ITIH5: variants seen among roughly 807,000 people sequenced by gnomAD.
The protein encoded by ITIH5 is inter-alpha-trypsin inhibitor heavy chain H5.
ITIH5 carries 65 observed loss-of-function variants against 77.5 expected under a neutral mutation model. That is an observed-to-expected ratio of 0.84 (90% confidence interval 0.69 to 1.03). ITIH5 has a LOEUF of 1.03. Ranked by LOEUF, ITIH5 falls within the 50% of genes least tolerant of loss-of-function variation. The probability of loss-of-function intolerance (pLI) is 0.00; values close to 1 mark genes in which losing one functional copy is unlikely to be tolerated. For missense variants in ITIH5, 1,208 were observed against 1,213.1 expected (o/e 1.00, Z 0.06); for synonymous variants, 525 against 494.3 (o/e 1.06, Z -0.82).
intron 3 of ITIH5, 57 bp downstream of exon 3, chr10:7,641,870 G>A: frequency 1.3e-6 from 2 of 1,518,158 alleles, no homozygotes; most frequent in Non-Finnish European, 1.8e-6. Flanking sequence ...TCACATCTCA[G>A]GCTCAACCTG....
intron 2 of ITIH5, among the ~76,000 whole-genome samples, chr10:7,644,164 G>C (rs1470737655): frequency 6.6e-6 from 1 of 151,894 alleles, no homozygotes; most frequent in African/African-American, 2.4e-5. Flanking sequence ...CTTGAAGCAG[G>C]GAGGCAAATA....
At chr10:7,613,899 C>T (rs1435655264) in intron 7 of ITIH5, among the ~76,000 whole-genome samples, 1 of 152,180 alleles carries the variant, frequency 6.6e-6, no homozygotes. Flanking sequence ...TGCCCAAACA[C>T]CTCCATCCCT....
At chr10:7,644,586 CATAT>C (rs1169055285) in intron 2 of ITIH5, among the ~76,000 whole-genome samples, 9 of 106,556 alleles carry the variant, frequency 8.4e-5, no homozygotes, top group Non-Finnish European at 1.7e-4. Flanking sequence ...ACATATATCA[CATAT>C]ATATCATACA....
At chr10:7,584,829 G>C (rs2130974156) in intron 8 of ITIH5, among the ~76,000 whole-genome samples, 1 of 152,276 alleles carries the variant, frequency 6.6e-6, no homozygotes, top group Admixed American at 6.5e-5. Context: ...CTGCCGTAGA[G>C]CATCACTATC....
Position 7,580,075 on chromosome 10 carries a change from C to G in ITIH5, c.1109-11G>C. 1 of 1,582,400 alleles carries G rather than the reference C, an allele frequency of 6.3e-7. No homozygotes were observed. The highest frequency in any genetic ancestry group is 8.6e-7 in the Non-Finnish European group (1 of 1,167,502). ...CGTTGATGTCTGTGCCTGCAGGACA[C>G]CAACACGGAACAGCTCAAGCCTCTG... On this transcript the variant is annotated splice_polypyrimidine_tract_variant and intron_variant, in intron 8 of 13. Transcript: ENST00000397146.
Position 7,586,007 on chromosome 10 carries a change from A to G in ITIH5, c.1002T>C (p.Ile334=). ...DLRPQDRFSI[I]GFSNRIKVWK... ...ATACTTTGATCCGGTTGGAAAATCC[A>G]ATGATACTGAAACGGTCCTGGGGTC... is the stretch of plus-strand genomic sequence containing the variant. Residue 334 remains isoleucine, a synonymous_variant, in exon 8 of 14, where the codon ATT becomes ATC. Coordinates refer to ENST00000397146, the MANE Select transcript of ITIH5 (RefSeq NM_030569.7). The G allele has an allele frequency of 6.2e-7, 1 of 1,614,106 alleles. No individual in the cohort carries two copies. Among genetic ancestry groups the G allele is most frequent in the Non-Finnish European group, 8.5e-7 (1 of 1,180,014 alleles).
intron 1 of ITIH5, among the ~76,000 whole-genome samples, chr10:7,663,089 A>G (rs1413849187): frequency 6.6e-6 from 1 of 152,250 alleles, no homozygotes; most frequent in East Asian, 1.9e-4. Flanking sequence ...TCACATTTAA[A>G]TAAATTCAAC....
chr10:7,613,746 T>A (rs1833305430), intron 7 of ITIH5, among the ~76,000 whole-genome samples: 1 of 152,196 alleles, frequency 6.6e-6, no homozygotes, highest in Non-Finnish European at 1.5e-5. Context: ...GTCTCAAGGA[T>A]GTTTGTCAAG....
intron 7 of ITIH5, among the ~76,000 whole-genome samples, chr10:7,608,827 T>C (rs1833184763): frequency 1.3e-5 from 2 of 152,224 alleles, no homozygotes; most frequent in African/African-American, 4.8e-5. Context: ...TAATAAAACG[T>C]TGCTCAATAA....
chr10:7,610,533 A>C (rs1830698277), intron 7 of ITIH5, among the ~76,000 whole-genome samples: 1 of 152,232 alleles, frequency 6.6e-6, no homozygotes, highest in African/African-American at 2.4e-5. Context: ...GAACATTGGG[A>C]ATAACAGTGA....
chr10:7,639,552 C>T (rs951837509), intron 4 of ITIH5, among the ~76,000 whole-genome samples: 2 of 152,036 alleles, frequency 1.3e-5, no homozygotes, highest in African/African-American at 4.8e-5. Flanking sequence ...TTTTAGAGAA[C>T]TAAATTTCTC....
intron 7 of ITIH5, among the ~76,000 whole-genome samples, chr10:7,603,264 G>A (rs1833051898): frequency 1.3e-5 from 2 of 152,206 alleles, no homozygotes; most frequent in South Asian, 2.1e-4. Context: ...GAACCTGGGA[G>A]GTATCATGCT....
rs1564278284 is a variant in ITIH5, at chr10:7,644,857, GTATCACATATA to G, written c.136-2778_136-2768del. The stretch of plus-strand genomic sequence containing the variant: ...TATATATCACATATATATCACATAT[GTATCACATATA>G]TATCACATATATATATCACATATAT... On this transcript the variant is annotated intron_variant, in intron 2 of 13. Transcript: ENST00000397146. 6.0e-4 allele frequency among the ~76,000 whole-genome samples: 43 copies of G among 71,600 alleles called. 1 individual carries two copies. The highest frequency in any genetic ancestry group is 1.5e-3 in the South Asian group (3 of 1,962). 47.0% of individuals were successfully genotyped at this position (71,600 alleles called of 152,430 possible).
At chr10:7,602,596 CA>C (rs1300695464) in intron 7 of ITIH5, among the ~76,000 whole-genome samples, 2 of 152,152 alleles carry the variant, frequency 1.3e-5, no homozygotes. Flanking sequence ...TGCCTTCTGC[CA>C]TGATAGTAAG....
At chr10:7,606,672 A>G (rs1024715854) in intron 7 of ITIH5, among the ~76,000 whole-genome samples, 9 of 152,054 alleles carry the variant, frequency 5.9e-5, no homozygotes, top group Non-Finnish European at 1.0e-4. Context: ...TGTACACCAA[A>G]CCCCCTCAAC....
chr10:7,569,397 G>C (rs893366577), intron 12 of ITIH5: 2 of 344,156 alleles, frequency 5.8e-6, no homozygotes, highest in Non-Finnish European at 1.0e-5. Flanking sequence ...TTTTATATTA[G>C]CTCTGTGAGG....
Position 7,579,876 on chromosome 10 carries a change from T to C in ITIH5, c.1297A>G (p.Ile433Val), listed in dbSNP as rs374231705. 220 of 1,614,256 alleles carry C rather than the reference T, an allele frequency of 1.4e-4. No homozygotes were observed. The highest frequency in any genetic ancestry group is 8.9e-5 in the East Asian group (4 of 44,884). ...TREAARGQVC[I>V]FTIGIGNDVD... ...TCGTTGCCGATGCCAATGGTGAAGATGCAGACTTGGCCTCGGGCGGCCTCT... is the reference window on the plus strand; with the variant it reads ...TCGTTGCCGATGCCAATGGTGAAGACGCAGACTTGGCCTCGGGCGGCCTCT... The change falls in exon 9 of 14, where the codon ATC (isoleucine) becomes GTC (valine). Residue 433 changes from isoleucine (I) to valine (V), a missense_variant. Transcript: ENST00000397146.
intron 5 of ITIH5, among the ~76,000 whole-genome samples, chr10:7,628,462 G>A (rs891812630): frequency 5.3e-5 from 8 of 152,222 alleles, no homozygotes; most frequent in African/African-American, 1.7e-4. Context: ...GTTGTGGCCT[G>A]TATCCGTGCT....
At position 7,628,409 on chromosome 10, in the gene ITIH5, C is replaced by T. The variant is rs1206336117; in HGVS notation, c.652+8819G>A. ...TTTCAGTCTGGCTTCTTTCACTTAG[C>T]ATAATGTTTTCGAGACTCCGTCACA... On this transcript the variant is annotated intron_variant, in intron 5 of 13. Coordinates refer to ENST00000397146, the MANE Select transcript of ITIH5 (RefSeq NM_030569.7). Among the ~76,000 whole-genome samples the T allele has an allele frequency of 2.6e-5, 4 of 152,334 alleles. No homozygotes were observed. In the South Asian group the frequency reaches 8.3e-4, roughly 32 times the overall value.
Sources: allele counts gnomAD v4.1 joint callset (sites outside exome capture counted in the v4.1 genomes callset), GRCh38; gene constraint gnomAD v4.1.1; transcripts MANE v1.5; gene names NCBI Gene and HGNC (gene_info 2026-07-23, HGNC 2026-07-21).